Variants in ACSM6 observed in about 807,000 individuals in gnomAD.
ACSM6 encodes the protein acyl-coenzyme A synthetase ACSM6, mitochondrial.
Under a neutral mutation model 51.1 loss-of-function variants are expected in ACSM6, and 35 were observed. That is an observed-to-expected ratio of 0.69 (90% CI 0.52 to 0.91). ACSM6 has a LOEUF of 0.91. ACSM6 is among the 40% of genes least tolerant of loss of function. The pLI, the probability that ACSM6 is intolerant of heterozygous loss-of-function variation, is 0.00. For synonymous variants in ACSM6, 172 were observed against 207.3 expected (o/e 0.83, Z 1.46); for missense variants, 509 against 584.1 (o/e 0.87, Z 1.32).
chr10:95,202,308 C>T, intron 3 of ACSM6, 113 bp downstream of exon 3: 1 of 983,248 alleles, frequency 1.0e-6, no homozygotes, highest in Non-Finnish European at 1.6e-6. Context: ...GAATTCTTCC[C>T]ACAGTGTGGG....
intron 7 of ACSM6, among the ~76,000 whole-genome samples, chr10:95,213,489 T>C (rs1322391889): frequency 2.0e-5 from 3 of 152,226 alleles, no homozygotes; most frequent in Non-Finnish European, 2.9e-5. Context: ...TATCTGTTTA[T>C]ATCATAGTGA....
chr10:95,207,268 G>T (rs151317777), exon 4 of ACSM6: 2 of 1,614,080 alleles, frequency 1.2e-6, no homozygotes, highest in East Asian at 4.5e-5. Flanking sequence ...TATCAATTAC[G>T]CATGTCTAAG....
At chr10:95,212,011 T>C in exon 6 of ACSM6, 1 of 1,614,112 alleles carries the variant, frequency 6.2e-7, no homozygotes, top group South Asian at 1.1e-5. Context: ...CATGCCAACC[T>C]TCTGCCCTGA....
chr10:95,194,427 T>C, intron 1 of ACSM6, 38 bp from the exon 2 acceptor site: 1 of 1,461,142 alleles, frequency 6.8e-7, no homozygotes, highest in Non-Finnish European at 9.3e-7. Context: ...CCCTCTGAGC[T>C]GCTCAATTAC....
chr10:95,194,756 T>A, intron 2 of ACSM6, 79 bp downstream of exon 2: 2 of 1,256,084 alleles, frequency 1.6e-6, no homozygotes, highest in South Asian at 3.1e-5. Context: ...GAGATTCATA[T>A]CCCATCTATG....
At chr10:95,207,483 T>C (rs1372878661) in intron 4 of ACSM6, 68 bp downstream of exon 4, 2 of 1,503,758 alleles carry the variant, frequency 1.3e-6, no homozygotes, top group Admixed American at 1.7e-5. Context: ...TGATGATATA[T>C]GAGAAAGTGG....
chr10:95,203,511 T>G (rs1292118334), intron 3 of ACSM6, among the ~76,000 whole-genome samples: 4 of 152,052 alleles, frequency 2.6e-5, no homozygotes, highest in Non-Finnish European at 5.9e-5. Context: ...AGAGAGTCCT[T>G]GAGAGTCACC....
At chr10:95,228,597 T>C in intron 10 of ACSM6, 47 bp from the exon 11 acceptor site, 1 of 1,532,446 alleles carries the variant, frequency 6.5e-7, no homozygotes, top group Non-Finnish European at 8.8e-7. Flanking sequence ...ACTAAATGAT[T>C]GTGAGAGGGA....
chr10:95,217,472 T>A lies in ACSM6; in HGVS notation c.1120-2419T>A, dbSNP rs536673297. On this transcript the variant is annotated intron_variant, in intron 8 of 10. Transcript: ENST00000341686. ...AAACACAAAATATTTTTGAGAGAATTGAATACCCAATGTTTTTAAAACATT... is the reference window on the plus strand; with the variant it reads ...AAACACAAAATATTTTTGAGAGAATAGAATACCCAATGTTTTTAAAACATT... 8.0e-4 allele frequency among the ~76,000 whole-genome samples: 122 copies of A among 151,956 alleles called. 3 individuals are homozygous for A. Among genetic ancestry groups the A allele is most frequent in the Non-Finnish European group, 6.2e-4 (42 of 68,004 alleles).
exon 11 of ACSM6, chr10:95,228,722 G>A (rs530789365): frequency 1.9e-5 from 30 of 1,551,778 alleles, no homozygotes; most frequent in Admixed American, 7.8e-5. Context: ...GGATGAAGAC[G>A]GCTACTTCTG....
In ACSM6 at chr10:95,194,544, C is replaced by G. The variant is rs866565580; in HGVS notation, c.59C>G (p.Ala20Gly). 1.9e-6 allele frequency: 3 copies of G among 1,551,810 alleles called. No individual in the cohort carries two copies. Among genetic ancestry groups the G allele is most frequent in the Non-Finnish European group, 2.6e-6 (3 of 1,146,992 alleles). ...CGGAGTTTCAGACTGGGATTTGAAG[C>G]CTGCTGCTATCCAAACCAAAAATGT... The change falls in exon 2 of 11, where the codon GCC becomes GGC. Residue 20 changes from alanine (A) to glycine (G), a missense_variant. Coordinates refer to ENST00000341686, the Ensembl canonical transcript of ACSM6.
chr10:95,209,456 A>G (rs2034873673), intron 4 of ACSM6, among the ~76,000 whole-genome samples: 3 of 152,186 alleles, frequency 2.0e-5, no homozygotes, highest in African/African-American at 7.2e-5. Context: ...AAACTCCCTC[A>G]ACTGCTGTCT....
At chr10:95,211,219 C>T (rs1006603566) in intron 5 of ACSM6, among the ~76,000 whole-genome samples, 9 of 152,198 alleles carry the variant, frequency 5.9e-5, no homozygotes, top group African/African-American at 2.2e-4. Context: ...GTCATCACAC[C>T]ACCCCTTTTT....
chr10:95,215,093 G>C, intron 8 of ACSM6, 118 bp downstream of exon 8: 1 of 1,254,488 alleles, frequency 8.0e-7, no homozygotes, highest in South Asian at 1.6e-5. Context: ...TTAAGCACAG[G>C]AAGAGGAAAT....
In ACSM6 at chr10:95,225,406, T is replaced by G. The variant is rs1161942666; in HGVS notation, c.1302+15T>G. The G allele has an allele frequency of 1.6e-5, 24 of 1,478,800 alleles. No individual in the cohort carries two copies. The highest frequency in any genetic ancestry group is 2.2e-5 in the Non-Finnish European group (24 of 1,090,116). The allele number at this position is 1,478,800 out of a possible 1,614,324, so 91.6% of individuals were successfully genotyped here. On this transcript the variant is annotated intron_variant, in intron 10 of 10. Transcript: ENST00000341686. ...GTCCACACATGGTAAGAAAATTTTC[T>G]TCTTTCCTAAATACTTTCATTGTTG...
intron 2 of ACSM6, among the ~76,000 whole-genome samples, chr10:95,195,715 TC>T (rs2034718270): frequency 6.6e-6 from 1 of 151,262 alleles, no homozygotes; most frequent in Admixed American, 6.6e-5. Flanking sequence ...TTCCTGGCCC[TC>T]CCCACCTTCA....
intron 2 of ACSM6, among the ~76,000 whole-genome samples, chr10:95,199,945 C>T (rs527524584): frequency 2.5e-4 from 38 of 152,268 alleles, no homozygotes; most frequent in African/African-American, 3.4e-4. Flanking sequence ...TCAGTGTGGC[C>T]GTTCCTCAGG....
chr10:95,206,057 CATGGTTTTT>C lies in ACSM6; in HGVS notation c.404-1149_404-1141del, dbSNP rs2034836257. Among the ~76,000 whole-genome samples the C allele has an allele frequency of 3.9e-5, 6 of 152,114 alleles. No individual in the cohort carries two copies. The South Asian group carries it at 1.2e-3, about 32-fold the overall frequency. On this transcript the variant is annotated intron_variant, in intron 3 of 10. Coordinates refer to ENST00000341686, the Ensembl canonical transcript of ACSM6. Reference sequence around the variant, plus strand: ...TTCACCGTTTAAAAGTGTACAAATCCATGGTTTTTAGAATATTCACAAAGCTGGGCAACC... The same window carrying C: ...TTCACCGTTTAAAAGTGTACAAATCCAGAATATTCACAAAGCTGGGCAACC...
intron 2 of ACSM6, among the ~76,000 whole-genome samples, chr10:95,197,001 G>A (rs2034732767): frequency 6.6e-6 from 1 of 152,078 alleles, no homozygotes. Context: ...ATTACCAGAA[G>A]TGAAATTACT....
Sources: allele counts gnomAD v4.1 joint callset (sites outside exome capture counted in the v4.1 genomes callset), GRCh38; gene constraint gnomAD v4.1.1; transcripts MANE v1.5; gene names NCBI Gene and HGNC (gene_info 2026-07-23, HGNC 2026-07-21).